Variants in TMEM116 observed in about 807,000 individuals in gnomAD.
The protein encoded by TMEM116 is transmembrane protein 116.
Under a neutral mutation model 44.3 loss-of-function variants are expected in TMEM116, and 38 were observed. The observed-to-expected ratio is 0.86, with a 90% CI of 0.66 to 1.12. The LOEUF (loss-of-function observed/expected upper bound fraction) is 1.12. TMEM116 is among the 50% of genes most tolerant of loss of function. The pLI is 0.00. For missense variants in TMEM116, 354 were observed against 401.7 expected (o/e 0.88, Z 1.01); for synonymous variants, 132 against 144.8 (o/e 0.91, Z 0.64).
chr12:111,955,149 G>T (rs1264405624), intron 4 of TMEM116, among the ~76,000 whole-genome samples: 2 of 152,050 alleles, frequency 1.3e-5, no homozygotes, highest in Non-Finnish European at 2.9e-5. Context: ...TTGACTCAAG[G>T]CCTTTGTCAT....
intron 5 of TMEM116, among the ~76,000 whole-genome samples, chr12:111,942,771 T>TGTGTGTGTGTGG (rs59385737): frequency 6.6e-6 from 1 of 151,194 alleles, no homozygotes; most frequent in African/African-American, 2.4e-5. Context: ...TATGTGTATG[T>TGTGTGTGTGTGG]GTGTGTGTGT....
chr12:111,986,233 C>T (rs1565941973), intron 4 of TMEM116, among the ~76,000 whole-genome samples: 3 of 151,994 alleles, frequency 2.0e-5, no homozygotes, highest in Admixed American at 6.6e-5. Flanking sequence ...GTGATGTGCA[C>T]CTGTGGTCCT....
intron 4 of TMEM116, among the ~76,000 whole-genome samples, chr12:111,968,005 C>A (rs775603277): frequency 4.6e-5 from 7 of 152,078 alleles, no homozygotes; most frequent in Non-Finnish European, 7.4e-5. Context: ...ATTGAGGAGA[C>A]AGAACTGAGA....
At chr12:111,946,558 GGTGGGCCAGGT>G (rs1222365115) in intron 4 of TMEM116, among the ~76,000 whole-genome samples, 1 of 152,108 alleles carries the variant, frequency 6.6e-6, no homozygotes, top group Non-Finnish European at 1.5e-5. Context: ...TTCCACCCTG[GGTGGGCCAGGT>G]GTTCCTTGCC....
intron 3 of TMEM116, among the ~76,000 whole-genome samples, chr12:112,000,467 T>C (rs141117168): frequency 5.3e-5 from 8 of 152,006 alleles, no homozygotes; most frequent in African/African-American, 9.6e-5. Flanking sequence ...CGAGCTACTA[T>C]TAACAGTAAG....
intron 4 of TMEM116, among the ~76,000 whole-genome samples, chr12:111,947,357 T>C (rs2136297166): frequency 6.6e-6 from 1 of 152,274 alleles, no homozygotes; most frequent in East Asian, 1.9e-4. Flanking sequence ...TAACTTTGGG[T>C]TATTCCATTT....
intron 2 of TMEM116, among the ~76,000 whole-genome samples, chr12:112,004,668 T>A (rs1205610206): frequency 1.3e-5 from 2 of 151,676 alleles, no homozygotes; most frequent in Non-Finnish European, 2.9e-5. Flanking sequence ...TTTTTTTTTT[T>A]AATTTTTTTT....
chr12:111,951,686 G>C (rs1006078275), intron 4 of TMEM116, among the ~76,000 whole-genome samples: 2 of 152,100 alleles, frequency 1.3e-5, no homozygotes, highest in Non-Finnish European at 2.9e-5. Context: ...GAAGGAGGGA[G>C]AGGATCAGGA....
At chr12:112,012,738 C>G (rs1235180486) in intron 1 of TMEM116, 1 of 152,350 alleles carries the variant, frequency 6.6e-6, no homozygotes, top group East Asian at 1.9e-4. Flanking sequence ...AGCCAGGGAC[C>G]GAGTGACTAC....
intron 4 of TMEM116, among the ~76,000 whole-genome samples, chr12:111,979,375 A>C (rs1450064793): frequency 6.6e-6 from 1 of 152,188 alleles, no homozygotes; most frequent in Non-Finnish European, 1.5e-5. Flanking sequence ...TAAGTGAAAG[A>C]AGCCAGACAC....
At chr12:111,976,805 A>G (rs1259139691) in intron 4 of TMEM116, among the ~76,000 whole-genome samples, 1 of 152,224 alleles carries the variant, frequency 6.6e-6, no homozygotes, top group Non-Finnish European at 1.5e-5. Flanking sequence ...ATTAAACGTC[A>G]AAAATACTGT....
At chr12:112,004,571 G>A (rs1199135692) in intron 2 of TMEM116, among the ~76,000 whole-genome samples, 1 of 152,102 alleles carries the variant, frequency 6.6e-6, no homozygotes, top group Non-Finnish European at 1.5e-5. Context: ...ACAGGCATGG[G>A]CCACCATATC....
intron 4 of TMEM116, among the ~76,000 whole-genome samples, chr12:111,974,053 T>C (rs2075514235): frequency 6.6e-6 from 1 of 151,348 alleles, no homozygotes; most frequent in East Asian, 1.9e-4. Context: ...CCTATTAAAA[T>C]ACTAAAAAAA....
chr12:111,990,578 T>A (rs138804194), intron 4 of TMEM116, among the ~76,000 whole-genome samples: 150 of 152,352 alleles, frequency 9.8e-4, no homozygotes, highest in African/African-American at 3.4e-3. Flanking sequence ...TTACATATTA[T>A]TAATTTCTTA....
At chr12:111,937,282 T>C (rs764530475) in intron 6 of TMEM116, 39 bp from the exon 7 acceptor site, 1 of 1,481,146 alleles carries the variant, frequency 6.8e-7, no homozygotes, top group Non-Finnish European at 9.4e-7. Flanking sequence ...TATCCACTCT[T>C]TTTCATGCCC....
chr12:111,940,464 C>CATAT (rs201362551), intron 5 of TMEM116, among the ~76,000 whole-genome samples: 2 of 129,772 alleles, frequency 1.5e-5, no homozygotes, highest in Admixed American at 1.7e-4. Flanking sequence ...CTGCCCCCCA[C>CATAT]ATATATATAT....
At chr12:111,946,974 C>G (rs1471980233) in intron 4 of TMEM116, among the ~76,000 whole-genome samples, 2 of 151,936 alleles carry the variant, frequency 1.3e-5, no homozygotes, top group Non-Finnish European at 2.9e-5. Flanking sequence ...CCCAGGTCAT[C>G]TAAATGAACT....
intron 4 of TMEM116, among the ~76,000 whole-genome samples, chr12:111,956,353 T>C (rs2074085019): frequency 1.3e-5 from 2 of 152,212 alleles, no homozygotes; most frequent in Admixed American, 1.3e-4. Flanking sequence ...CCTGAAGATT[T>C]AGCATCCTAA....
chr12:112,010,891 C>T (rs1396536588), intron 1 of TMEM116: 2 of 152,292 alleles, frequency 1.3e-5, no homozygotes, highest in Admixed American at 6.5e-5. Flanking sequence ...CGAGTCCCTA[C>T]TCCAGTCTGC....
Sources: gnomAD v4.1 joint callset for allele counts (sites outside exome capture counted in the v4.1 genomes callset) on GRCh38, gnomAD v4.1.1 for gene constraint, MANE v1.5 for transcripts, NCBI Gene and HGNC (gene_info 2026-07-23, HGNC 2026-07-21) for gene names.